FAM111B: variants seen among roughly 807,000 people sequenced by gnomAD.
The protein encoded by FAM111B is serine protease FAM111B.
Under a neutral mutation model 2.8 loss-of-function variants are expected in FAM111B, and 1 was observed. That is an observed-to-expected ratio of 0.36 (90% CI 0.13 to 1.70). The LOEUF is 1.70. FAM111B is among the 40% of genes most tolerant of loss of function. FAM111B has a pLI of 0.35. For missense variants in FAM111B, 882 were observed against 878.9 expected, an observed-to-expected ratio of 1.00 and a Z score of -0.04; for synonymous variants, 297 against 295.6, an observed-to-expected ratio of 1.00 and a Z score of -0.05.
chr11:59,123,665 A>T (rs1319311240), intron 3 of FAM111B, among the ~76,000 whole-genome samples: 1 of 152,216 alleles, frequency 6.6e-6, no homozygotes, highest in Non-Finnish European at 1.5e-5. Context: ...TAGCCCCTCA[A>T]CTTGTGGTTT....
rs200133001 is a variant in FAM111B at position 59,124,319 on chromosome 11, G to T, written c.222G>T (p.Leu74Phe). 5.1e-5 allele frequency: 82 copies of T among 1,613,726 alleles called. No individual in the cohort carries two copies. Among genetic ancestry groups the T allele is most frequent in the Non-Finnish European group, 7.0e-5 (82 of 1,179,790 alleles). Residue 74 changes from leucine to phenylalanine, a missense_variant, in exon 4 of 4, where the codon TTG becomes TTT. Transcript: ENST00000343597. ...CCCTTGAAATGCAGAATCCAAATTT[G>T]AACAATAAAGAATGTTGTTTCACCT... The part of the protein sequence containing the change: ...ETALEMQNPN[L>F]NNKECCFTFT...
intron 3 of FAM111B, among the ~76,000 whole-genome samples, chr11:59,112,719 T>C (rs1859779002): frequency 6.6e-6 from 1 of 152,234 alleles, no homozygotes; most frequent in African/African-American, 2.4e-5. Context: ...CATCGTTTTG[T>C]GGTATTAATT....
chr11:59,123,205 C>T (rs148558416), intron 3 of FAM111B, among the ~76,000 whole-genome samples: 73 of 152,268 alleles, frequency 4.8e-4, no homozygotes, highest in Non-Finnish European at 6.9e-4. Context: ...AATGGGAATC[C>T]TTGAAAGGTG....
At chr11:59,108,147 C>T (rs1160945240) in intron 1 of FAM111B, among the ~76,000 whole-genome samples, 1 of 152,158 alleles carries the variant, frequency 6.6e-6, no homozygotes, top group Non-Finnish European at 1.5e-5. Flanking sequence ...ATCTGGAATC[C>T]TTTTTAAAAA....
intron 3 of FAM111B, among the ~76,000 whole-genome samples, chr11:59,121,954 C>T (rs1351962500): frequency 6.6e-6 from 1 of 152,018 alleles, no homozygotes; most frequent in Non-Finnish European, 1.5e-5. Flanking sequence ...ACCAGCCTGG[C>T]CAAAATGGTG....
rs556601586 is a variant in FAM111B, at chr11:59,126,593, C to T, written c.*291C>T. 7.8e-6 allele frequency: 2 copies of T among 256,910 alleles called. No homozygotes were observed. The highest frequency in any genetic ancestry group is 1.5e-5 in the Non-Finnish European group (2 of 137,234). 15.9% of individuals were successfully genotyped at this position (256,910 alleles called of 1,614,324 possible). ...ACCCCATTAAAAAGTGGGCAAAGGA[C>T]ATGAACAAACACTTTTCAAAAGAAG... On this transcript the variant is annotated 3_prime_UTR_variant, in exon 4 of 4. Coordinates refer to ENST00000343597, the MANE Select transcript of FAM111B (RefSeq NM_198947.4).
At chr11:59,116,866 G>T (rs1590889814) in intron 3 of FAM111B, among the ~76,000 whole-genome samples, 1 of 152,208 alleles carries the variant, frequency 6.6e-6, no homozygotes, top group African/African-American at 2.4e-5. Flanking sequence ...CTGTCAGGCA[G>T]GTGGAGTCCT....
In FAM111B at chr11:59,122,759, A is replaced by G. The variant is rs921265350; in HGVS notation, c.82-1420A>G. 4.6e-5 allele frequency among the ~76,000 whole-genome samples: 7 copies of G among 152,172 alleles called. No homozygotes were observed. The East Asian group carries it at 1.3e-3, about 29-fold the overall frequency. On this transcript the variant is annotated intron_variant, in intron 3 of 3. Transcript: ENST00000343597. ...TAGATGAGAGGTCAGTGCTGCAGAG[A>G]TAGATTTGGGCAATAAGTATATGAA...
intron 3 of FAM111B, among the ~76,000 whole-genome samples, chr11:59,121,503 C>T (rs572019399): frequency 2.6e-5 from 4 of 152,166 alleles, no homozygotes; most frequent in Non-Finnish European, 5.9e-5. Context: ...GGTGCAAGTG[C>T]AAGGTGGTAC....
intron 3 of FAM111B, among the ~76,000 whole-genome samples, chr11:59,117,499 G>A (rs752818903): frequency 3.3e-5 from 5 of 152,108 alleles, no homozygotes; most frequent in Non-Finnish European, 5.9e-5. Flanking sequence ...CTTATCAAGG[G>A]TCCCCATAAG....
At chr11:59,110,639 T>C (rs1248487381) in intron 3 of FAM111B, among the ~76,000 whole-genome samples, 1 of 152,222 alleles carries the variant, frequency 6.6e-6, no homozygotes, top group Admixed American at 6.5e-5. Context: ...TGTATCTCCA[T>C]ACTCATCAAG....
chr11:59,115,171 C>T (rs1377557011), intron 3 of FAM111B, among the ~76,000 whole-genome samples: 1 of 152,104 alleles, frequency 6.6e-6, no homozygotes, highest in African/African-American at 2.4e-5. Context: ...GGGATGGGGG[C>T]CACTTTCTCT....
rs1357600876 is a variant in FAM111B, at chr11:59,125,587, G to A, written c.1490G>A (p.Gly497Asp). The change falls in exon 4 of 4, where the codon GGT becomes GAT. Residue 497 changes from glycine (G) to aspartate (D), a missense_variant. Coordinates refer to ENST00000343597, the MANE Select transcript of FAM111B (RefSeq NM_198947.4). ...CGACATGTTGTACATCTTATGGTGG[G>A]TAAAAACACACATCCAAGTTTGTGG... ...TCRHVVHLMV[G>D]KNTHPSLWPD... is the part of the protein sequence containing the mutation. 6.2e-6 allele frequency: 10 copies of A among 1,613,684 alleles called. No individual in the cohort carries two copies. Among genetic ancestry groups the A allele is most frequent in the African/African-American group, 1.3e-5 (1 of 74,888 alleles).
At chr11:59,113,328 T>TG in intron 3 of FAM111B, among the ~76,000 whole-genome samples, 1 of 152,182 alleles carries the variant, frequency 6.6e-6, no homozygotes, top group South Asian at 2.1e-4. Flanking sequence ...TCTTTTGCTG[T>TG]GGGGTACCTG....
intron 1 of FAM111B, 35 bp downstream of exon 1, chr11:59,107,331 A>C (rs1859678279): frequency 6.6e-6 from 1 of 152,262 alleles, no homozygotes; most frequent in East Asian, 1.9e-4. Context: ...TCGGACCTGG[A>C]GTTCTTAGGG....
chr11:59,125,394 A>T lies in FAM111B; in HGVS notation c.1297A>T (p.Ile433Leu), dbSNP rs777584510. The change falls in exon 4 of 4, where the codon ATA (isoleucine) becomes TTA (leucine). Residue 433 changes from isoleucine to leucine, a missense_variant. Transcript: ENST00000343597. ...MNLSPAKQFN[I>L]YKKDFGKMTA... ...TCTTTCACCAGCTAAGCAATTCAAC[A>T]TATATAAAAAGGACTTCGGAAAAAT... is the stretch of plus-strand genomic sequence containing the variant. 6.2e-7 allele frequency: 1 copy of T among 1,613,990 alleles called. No individual in the cohort carries two copies. Among genetic ancestry groups the T allele is most frequent in the Non-Finnish European group, 8.5e-7 (1 of 1,179,856 alleles).
At chr11:59,108,985 T>A (rs1859711521) in intron 2 of FAM111B, among the ~76,000 whole-genome samples, 1 of 152,276 alleles carries the variant, frequency 6.6e-6, no homozygotes, top group Non-Finnish European at 1.5e-5. Flanking sequence ...CTTTTATTTA[T>A]TAGGTGGGAG....
intron 3 of FAM111B, among the ~76,000 whole-genome samples, chr11:59,112,394 T>G (rs1282544526): frequency 1.3e-5 from 2 of 152,218 alleles, no homozygotes; most frequent in Admixed American, 1.3e-4. Flanking sequence ...AAAATCTGTT[T>G]ATCCATTCAC....
chr11:59,109,899 T>C, intron 3 of FAM111B, 193 bp downstream of exon 3: 1 of 372,878 alleles, frequency 2.7e-6, no homozygotes. Flanking sequence ...ATGCTAAACG[T>C]ATGTTAAGAC....
Sources: gnomAD v4.1 joint callset for allele counts (sites outside exome capture counted in the v4.1 genomes callset) on GRCh38, gnomAD v4.1.1 for gene constraint, MANE v1.5 for transcripts, NCBI Gene and HGNC (gene_info 2026-07-23, HGNC 2026-07-21) for gene names.